The following KCNC2 variants were observed in gnomAD, a reference collection of about 807,000 sequenced individuals.
The protein encoded by KCNC2 is voltage-gated potassium channel KCNC2.
A neutral mutation model predicts 44.5 loss-of-function variants in KCNC2; 21 were observed. The ratio of observed to expected loss-of-function variants is 0.47; its 90% CI spans 0.33 to 0.68. The LOEUF is 0.68. KCNC2 is among the 30% of genes least tolerant of loss of function. The probability of loss-of-function intolerance (pLI) is 0.01; values close to 1 mark genes in which losing one functional copy is unlikely to be tolerated. For missense variants in KCNC2, 589 were observed against 826.2 expected (o/e 0.71, Z 3.52); for synonymous variants, 391 against 339.1 (o/e 1.15, Z -1.68).
intron 2 of KCNC2, among the ~76,000 whole-genome samples, chr12:75,147,432 A>C (rs1387678076): frequency 6.6e-6 from 1 of 152,198 alleles, no homozygotes; most frequent in Non-Finnish European, 1.5e-5. Context: ...GCTTTTCACT[A>C]GACCAACTTA....
At chr12:75,112,753 T>C (rs2471638) in intron 2 of KCNC2, among the ~76,000 whole-genome samples, 40,061 of 151,868 alleles carry the variant, frequency 0.26, 5,819 homozygotes, top group Middle Eastern at 0.4. Flanking sequence ...TCCATATAAT[T>C]GAGCTTAAAG....
intron 2 of KCNC2, among the ~76,000 whole-genome samples, chr12:75,108,304 C>T (rs113976720): frequency 1.6e-4 from 25 of 152,238 alleles, no homozygotes; most frequent in African/African-American, 5.5e-4. Flanking sequence ...TTAGTTTCTA[C>T]ACACAGAAAA....
chr12:75,166,227 G>A (rs1008588764), intron 2 of KCNC2, among the ~76,000 whole-genome samples: 4 of 150,920 alleles, frequency 2.7e-5, no homozygotes, highest in Non-Finnish European at 5.9e-5. Flanking sequence ...TATATATCTA[G>A]TGCAGGGATT....
chr12:75,042,241 A>C lies in KCNC2; in HGVS notation c.*864T>G. ...TTTAAAGAGTCTAGAACCAAGCAGCAATTTCTGGCTAAACAATGCAAGCCT... is the reference window on the plus strand; with the variant it reads ...TTTAAAGAGTCTAGAACCAAGCAGCCATTTCTGGCTAAACAATGCAAGCCT... On this transcript the variant is annotated 3_prime_UTR_variant, in exon 5 of 5. Transcript: ENST00000549446. 1 of 1,582,626 alleles carries C rather than the reference A, an allele frequency of 6.3e-7. No individual in the cohort carries two copies.
At chr12:75,110,221 A>C (rs1405453856) in intron 2 of KCNC2, among the ~76,000 whole-genome samples, 1 of 152,146 alleles carries the variant, frequency 6.6e-6, no homozygotes, top group Non-Finnish European at 1.5e-5. Context: ...GGGGAAAAAA[A>C]ACCAACATAT....
intron 2 of KCNC2, among the ~76,000 whole-genome samples, chr12:75,202,960 A>G (rs2031407325): frequency 6.6e-6 from 1 of 151,714 alleles, no homozygotes; most frequent in South Asian, 2.1e-4. Flanking sequence ...ATGCATTCCC[A>G]GTACTTTTCA....
chr12:75,208,514 G>T (rs1030562324), intron 1 of KCNC2, among the ~76,000 whole-genome samples: 1 of 151,486 alleles, frequency 6.6e-6, no homozygotes, highest in Non-Finnish European at 1.5e-5. Flanking sequence ...TAGCTTGGAT[G>T]CAATTCTCTT....
chr12:75,053,632 T>C (rs1881424565), intron 2 of KCNC2, among the ~76,000 whole-genome samples: 2 of 151,724 alleles, frequency 1.3e-5, no homozygotes, highest in South Asian at 4.2e-4. Context: ...ATTTTTATAA[T>C]TCTGTATATC....
intron 2 of KCNC2, among the ~76,000 whole-genome samples, chr12:75,159,424 T>G (rs1482593209): frequency 6.6e-6 from 1 of 151,846 alleles, no homozygotes; most frequent in African/African-American, 2.4e-5. Flanking sequence ...TACTGCCAGC[T>G]TTGGAAACAG....
chr12:75,057,977 C>T (rs982834994), intron 2 of KCNC2, among the ~76,000 whole-genome samples: 3 of 151,778 alleles, frequency 2.0e-5, no homozygotes, highest in African/African-American at 4.8e-5. Context: ...AGAGTCAAGG[C>T]CTATCCATTC....
chr12:75,110,190 C>G (rs1887118260), intron 2 of KCNC2, among the ~76,000 whole-genome samples: 8 of 152,008 alleles, frequency 5.3e-5, no homozygotes, highest in Admixed American at 5.3e-4. Flanking sequence ...AAGGGTTCAC[C>G]ATGTCCCAGA....
At chr12:75,066,546 G>T (rs538173730) in intron 2 of KCNC2, among the ~76,000 whole-genome samples, 1 of 152,226 alleles carries the variant, frequency 6.6e-6, no homozygotes, top group African/African-American at 2.4e-5. Context: ...GAGATGAATA[G>T]CACTTTCCTA....
At chr12:75,199,968 A>G (rs1426451564) in intron 2 of KCNC2, among the ~76,000 whole-genome samples, 2 of 151,862 alleles carry the variant, frequency 1.3e-5, no homozygotes, top group Admixed American at 6.6e-5. Context: ...GGTTAAGTGC[A>G]TAAGCAGGCT....
At chr12:75,079,517 A>T (rs537466626) in intron 2 of KCNC2, among the ~76,000 whole-genome samples, 3 of 152,272 alleles carry the variant, frequency 2.0e-5, no homozygotes, top group Admixed American at 6.5e-5. Flanking sequence ...ATTTGCTAGT[A>T]TATTTGTGTA....
intron 2 of KCNC2, among the ~76,000 whole-genome samples, chr12:75,097,282 T>A (rs1164267258): frequency 2.0e-5 from 3 of 152,074 alleles, no homozygotes; most frequent in Non-Finnish European, 4.4e-5. Context: ...GCACAGGGGA[T>A]TTTTACAGCA....
intron 2 of KCNC2, among the ~76,000 whole-genome samples, chr12:75,104,739 C>G (rs150744642): frequency 6.6e-6 from 1 of 151,930 alleles, no homozygotes; most frequent in Non-Finnish European, 1.5e-5. Flanking sequence ...ATAGTAGATA[C>G]GCATATGGAA....
chr12:75,160,774 G>A (rs1411578562), intron 2 of KCNC2, among the ~76,000 whole-genome samples: 1 of 151,778 alleles, frequency 6.6e-6, no homozygotes, highest in Non-Finnish European at 1.5e-5. Flanking sequence ...TAAGATCTAA[G>A]AGGAATACAA....
At chr12:75,077,668 AT>A (rs1432200071) in intron 2 of KCNC2, among the ~76,000 whole-genome samples, 1 of 152,174 alleles carries the variant, frequency 6.6e-6, no homozygotes, top group Non-Finnish European at 1.5e-5. Context: ...CTTGATGACC[AT>A]AAGAATCTTA....
intron 2 of KCNC2, among the ~76,000 whole-genome samples, chr12:75,153,157 A>G (rs1021485965): frequency 6.6e-6 from 1 of 152,068 alleles, no homozygotes; most frequent in Non-Finnish European, 1.5e-5. Context: ...ATTTGGAATA[A>G]TAGAATAAGA....
Sources: gnomAD v4.1 joint callset for allele counts (sites outside exome capture counted in the v4.1 genomes callset) on GRCh38, gnomAD v4.1.1 for gene constraint, MANE v1.5 for transcripts, NCBI Gene and HGNC (gene_info 2026-07-23, HGNC 2026-07-21) for gene names.